The following CAMK2B variants were observed in gnomAD, a reference collection of about 807,000 sequenced individuals.
CAMK2B encodes calcium/calmodulin dependent protein kinase II beta, also known as calcium/calmodulin-dependent protein kinase type II subunit beta.
Under a neutral mutation model 93.7 loss-of-function variants are expected in CAMK2B, and 27 were observed. The ratio of observed to expected loss-of-function variants is 0.29; its 90% CI spans 0.21 to 0.40. The LOEUF is 0.40. CAMK2B is among the 10% of genes least tolerant of loss of function. The pLI is 1.00. For synonymous variants in CAMK2B, 374 were observed against 358.8 expected (o/e 1.04, Z -0.48); for missense variants, 568 against 895.8 (o/e 0.63, Z 4.67).
At position 44,224,542 on chromosome 7, in the gene CAMK2B, G is replaced by A. The variant is rs2096452799; in HGVS notation, c.1597+1974C>T. On this transcript the variant is annotated intron_variant, in intron 20 of 23. Coordinates refer to ENST00000395749, the MANE Select transcript of CAMK2B (RefSeq NM_001220.5). This position sits in a 1 kb window ranked among gnomAD's most constrained non-coding sequence, Gnocchi z 4.4. ...TCCAGGTGCCCTGACATGAACAGGA[G>A]CCTTTGCATTGCCTGTGGCTCTCTT... is the stretch of plus-strand genomic sequence containing the variant. 6.6e-6 allele frequency among the ~76,000 whole-genome samples: 1 copy of A among 152,154 alleles called. No individual in the cohort carries two copies. Among genetic ancestry groups the A allele is most frequent in the South Asian group, 2.1e-4 (1 of 4,826 alleles).
chr7:44,290,746 G>A (rs1268520569), intron 1 of CAMK2B, among the ~76,000 whole-genome samples: 1 of 152,242 alleles, frequency 6.6e-6, no homozygotes, highest in East Asian at 1.9e-4. Flanking sequence ...AAGCAATTTG[G>A]TGGAAACAGT....
chr7:44,321,514 G>C (rs938918654), intron 1 of CAMK2B, among the ~76,000 whole-genome samples: 1 of 152,126 alleles, frequency 6.6e-6, no homozygotes, highest in East Asian at 1.9e-4. Flanking sequence ...CCTGAACTTC[G>C]GTTCTTTGTC....
chr7:44,275,626 TTAAG>T (rs756167264), intron 2 of CAMK2B, among the ~76,000 whole-genome samples: 1 of 152,254 alleles, frequency 6.6e-6, no homozygotes, highest in Non-Finnish European at 1.5e-5. Flanking sequence ...AATTTTTAGT[TTAAG>T]TAAGTGTGTC....
At chr7:44,242,678 C>A in intron 8 of CAMK2B, 24 bp from the exon 9 acceptor site, 1 of 1,540,192 alleles carries the variant, frequency 6.5e-7, no homozygotes, top group South Asian at 1.1e-5. Context: ...CTGTGAGCAC[C>A]GCAGCCACTT....
chr7:44,222,015 T>C (rs192770246), intron 20 of CAMK2B, among the ~76,000 whole-genome samples: 2 of 152,326 alleles, frequency 1.3e-5, no homozygotes, highest in African/African-American at 4.8e-5. Context: ...GCAGAACTAC[T>C]GTCCTGAGTG....
chr7:44,314,914 T>A (rs1237120725), intron 1 of CAMK2B, among the ~76,000 whole-genome samples: 1 of 152,226 alleles, frequency 6.6e-6, no homozygotes, highest in Non-Finnish European at 1.5e-5. Flanking sequence ...GCCCATTTTT[T>A]AATTAGGTTG....
chr7:44,288,051 C>T (rs1045238256), intron 1 of CAMK2B, among the ~76,000 whole-genome samples: 19 of 152,312 alleles, frequency 1.2e-4, no homozygotes, highest in African/African-American at 4.1e-4. Context: ...GCTTGTCCAG[C>T]CCAGCAGTAC....
rs755427879 is a variant in CAMK2B at position 44,220,069 on chromosome 7, A to G, written c.1994T>C (p.Leu665Pro). 42 of 1,587,652 alleles carry G rather than the reference A, an allele frequency of 2.6e-5. No individual in the cohort carries two copies. The highest frequency in any genetic ancestry group is 3.4e-6 in the Non-Finnish European group (4 of 1,170,662). ...FHCSGAPVAP[L>P]Q ...AGCACAGAACACTCACCTTCACTGC[A>G]GCGGGGCCACAGGCGCGCCCGAGCA... Residue 665 changes from leucine (L) to proline (P), a missense_variant, in exon 23 of 24, where the codon CTG (leucine) becomes CCG (proline). By Grantham distance (98) the Leu-to-Pro change is moderately conservative (BLOSUM62 -3). Around this residue, in one of 4 missense-constraint regions of CAMK2B, gnomAD observed 116 missense variants for 188.0 expected, o/e 0.62. Transcript: ENST00000395749.
At chr7:44,323,253 C>T (rs1796597573) in intron 1 of CAMK2B, among the ~76,000 whole-genome samples, 1 of 152,270 alleles carries the variant, frequency 6.6e-6, no homozygotes, top group African/African-American at 2.4e-5. Context: ...TTGGGCATCT[C>T]CTCTTGTCCC....
chr7:44,241,023 C>T (rs1214192780), intron 11 of CAMK2B, among the ~76,000 whole-genome samples: 1 of 152,192 alleles, frequency 6.6e-6, no homozygotes, highest in East Asian at 1.9e-4. Flanking sequence ...CCTCAGGGGT[C>T]ACCAGAACAG....
intron 6 of CAMK2B, among the ~76,000 whole-genome samples, chr7:44,245,286 C>T (rs930714005): frequency 1.3e-5 from 2 of 152,170 alleles, no homozygotes; most frequent in African/African-American, 4.8e-5. Flanking sequence ...ATGACATCAA[C>T]TGCCCTCTGC....
In CAMK2B at chr7:44,228,866, G is replaced by A. The variant is rs201007866; in HGVS notation, c.1398C>T (p.Ala466=). The A allele has an allele frequency of 1.1e-4, 174 of 1,552,748 alleles. No individual in the cohort carries two copies. In the Admixed American group the frequency reaches 1.2e-3, roughly 11 times the overall value. The change falls in exon 19 of 24, where the codon GCC becomes GCT. Residue 466 remains alanine, a synonymous_variant. Coordinates refer to ENST00000395749, the MANE Select transcript of CAMK2B (RefSeq NM_001220.5). ...GGGGCCCCGCTGAGAGGGGGCCCTCGGCTTCTGGGGTTCCTGAACCCCTTC... is the reference window on the plus strand; with the variant it reads ...GGGGCCCCGCTGAGAGGGGGCCCTCAGCTTCTGGGGTTCCTGAACCCCTTC... The part of the protein sequence containing the change: ...SVRRGSGTPE[A]EGPLSAGPPP...
At chr7:44,270,629 C>T (rs10226804) in intron 2 of CAMK2B, among the ~76,000 whole-genome samples, 33,205 of 152,236 alleles carry the variant, frequency 0.22, 3,826 homozygotes, top group Non-Finnish European at 0.26. Flanking sequence ...AAATCCCACT[C>T]GGGGGCCTCA....
At chr7:44,241,804 A>G in intron 10 of CAMK2B, 21 bp from the exon 11 acceptor site, 1 of 1,601,038 alleles carries the variant, frequency 6.2e-7, no homozygotes. Flanking sequence ...ATGGGTGGTC[A>G]TATGGCAGCC....
In CAMK2B at chr7:44,265,918, C is replaced by T. The variant is rs554021276; in HGVS notation, c.161-2854G>A. On this transcript the variant is annotated intron_variant, in intron 2 of 23. Transcript: ENST00000395749. ...TGACACAAGATCTAAGCTGGTAACA[C>T]ACAAACACACACGTCGTATCGAGTG... Among the ~76,000 whole-genome samples, 4 of 152,144 alleles carry T rather than the reference C, an allele frequency of 2.6e-5. No individual in the cohort carries two copies. In the East Asian group the frequency reaches 7.7e-4, roughly 29 times the overall value.
chr7:44,226,282 C>T (rs187614137), intron 20 of CAMK2B, among the ~76,000 whole-genome samples: 46 of 151,450 alleles, frequency 3.0e-4, no homozygotes, highest in East Asian at 7.8e-4. Context: ...CCTGCTCTTT[C>T]GGACGCTCTT....
chr7:44,231,037 G>A lies in CAMK2B; in HGVS notation c.1194C>T (p.Ala398=). ...CGTCTTCATCCTCTATGGTGGTATTGGCACTGTCAGAAGACTCCTGAGGAA... is the reference window on the plus strand; with the variant it reads ...CGTCTTCATCCTCTATGGTGGTATTAGCACTGTCAGAAGACTCCTGAGGAA... ...VDGIKESSDS[A]NTTIEDEDAK... is the part of the protein sequence containing the mutation. The change falls in exon 17 of 24, where the codon GCC becomes GCT. Residue 398 remains alanine, a synonymous_variant. Coordinates refer to ENST00000395749, the MANE Select transcript of CAMK2B (RefSeq NM_001220.5). 6.4e-7 allele frequency: 1 copy of A among 1,555,160 alleles called. No homozygotes were observed. Among genetic ancestry groups the A allele is most frequent in the Non-Finnish European group, 8.7e-7 (1 of 1,149,184 alleles).
chr7:44,247,801 G>A (rs956511282), intron 5 of CAMK2B, among the ~76,000 whole-genome samples: 1 of 152,238 alleles, frequency 6.6e-6, no homozygotes, highest in Non-Finnish European at 1.5e-5. Context: ...GCCAAGGTGG[G>A]CGGATCACCT....
intron 1 of CAMK2B, among the ~76,000 whole-genome samples, chr7:44,308,038 A>T (rs539399366): frequency 1.3e-5 from 2 of 152,128 alleles, no homozygotes; most frequent in South Asian, 2.1e-4. Flanking sequence ...CTCTTTCCAT[A>T]TGAGGGAAAC....
Sources: gnomAD v4.1 joint callset for allele counts (sites outside exome capture counted in the v4.1 genomes callset) on GRCh38, gnomAD v4.1.1 for gene constraint, gnomAD v4.1.1 regional missense constraint, Gnocchi (gnomAD v3.1) non-coding constraint, MANE v1.5 for transcripts, NCBI Gene and HGNC (gene_info 2026-07-23, HGNC 2026-07-21) for gene names.